SHROOM4: variants seen among roughly 807,000 people sequenced by gnomAD.
The protein encoded by SHROOM4 is protein Shroom4.
SHROOM4 carries 17 observed loss-of-function variants against 80.3 expected under a neutral mutation model. The observed-to-expected ratio is 0.21, with a 90% CI of 0.14 to 0.32. The LOEUF (loss-of-function observed/expected upper bound fraction) is 0.32, where lower values mean the gene tolerates loss of function less well. Ranked by LOEUF, SHROOM4 falls within the 10% of genes least tolerant of loss-of-function variation. SHROOM4 has a pLI of 1.00. For missense variants in SHROOM4, 993 were observed against 1,140.3 expected (o/e 0.87, Z 1.86); for synonymous variants, 400 against 437.5 (o/e 0.91, Z 1.07).
At chrX:50,734,984 A>C (rs1557266577) in intron 1 of SHROOM4, among the ~76,000 whole-genome samples, 1 of 110,115 alleles carries the variant, frequency 9.1e-6, no homozygotes, top group African/African-American at 3.3e-5. Flanking sequence ...TGTGAAACTG[A>C]GTCAATTAAA....
chrX:50,708,775 A>C (rs1207043202), intron 1 of SHROOM4, among the ~76,000 whole-genome samples: 1 of 111,763 alleles, frequency 8.9e-6, no homozygotes, highest in Non-Finnish European at 1.9e-5. Context: ...AAGGATGGTT[A>C]AACCTGGACC....
intron 5 of SHROOM4, among the ~76,000 whole-genome samples, chrX:50,615,847 G>GC (rs1930213578): frequency 9.0e-6 from 1 of 111,659 alleles, no homozygotes; most frequent in Non-Finnish European, 1.9e-5. Flanking sequence ...CAAGTCTGTT[G>GC]TTTTTACCTA....
chrX:50,674,832 C>T (rs1200669170), intron 2 of SHROOM4, among the ~76,000 whole-genome samples: 1 of 111,658 alleles, frequency 9.0e-6, no homozygotes, highest in African/African-American at 3.3e-5. Flanking sequence ...TAAAATGCAG[C>T]CCCTGTCTTC....
At chrX:50,681,725 A>G (rs782723915) in intron 2 of SHROOM4, among the ~76,000 whole-genome samples, 3 of 112,171 alleles carry the variant, frequency 2.7e-5, no homozygotes, top group African/African-American at 9.7e-5. Context: ...TACTTCTCCC[A>G]TTCCTGTTAG....
At chrX:50,705,181 T>C (rs1557263851) in intron 1 of SHROOM4, among the ~76,000 whole-genome samples, 1 of 111,570 alleles carries the variant, frequency 9.0e-6, no homozygotes, top group African/African-American at 3.3e-5. Flanking sequence ...GTTCACATCA[T>C]GACTGAGAAA....
intron 6 of SHROOM4, among the ~76,000 whole-genome samples, chrX:50,606,445 T>C (rs1929673921): frequency 9.0e-6 from 1 of 110,798 alleles, no homozygotes; most frequent in Non-Finnish European, 1.9e-5. Flanking sequence ...AAAGCACTTA[T>C]AAGCCACCTG....
At chrX:50,804,531 A>C (rs1409677679) in intron 1 of SHROOM4, among the ~76,000 whole-genome samples, 1 of 111,919 alleles carries the variant, frequency 8.9e-6, no homozygotes, top group Non-Finnish European at 1.9e-5. Flanking sequence ...TCACCTGTGT[A>C]AACACACTAT....
Position 50,673,989 on chromosome X carries a change from T to C in SHROOM4, c.269+21797A>G, listed in dbSNP as rs1310438145. On this transcript the variant is annotated intron_variant, in intron 2 of 8. Transcript: ENST00000376020. ...ACATGTGAAAACAAATAAAAAACAA[T>C]ACCATTTACAGTTGCTGCAAAAAAA... Among the ~76,000 whole-genome samples the C allele has an allele frequency of 3.7e-5, 4 of 108,010 alleles. No homozygotes were observed. In the Admixed American group the frequency reaches 4.1e-4, roughly 11 times the overall value. The allele number at this position is 108,010 out of a possible 115,157, so 93.8% of individuals were successfully genotyped here.
At chrX:50,644,171 G>A (rs1346418361) in intron 2 of SHROOM4, among the ~76,000 whole-genome samples, 5 of 112,201 alleles carry the variant, frequency 4.5e-5, no homozygotes, top group African/African-American at 1.6e-4. Context: ...GCGGACTTGA[G>A]CAGATCCAAA....
At chrX:50,678,900 T>G (rs1932890017) in intron 2 of SHROOM4, among the ~76,000 whole-genome samples, 1 of 111,132 alleles carries the variant, frequency 9.0e-6, no homozygotes, top group South Asian at 3.8e-4. Context: ...AAAATACAAT[T>G]CCTCATCTCC....
At chrX:50,762,356 T>A (rs60474400) in intron 1 of SHROOM4, among the ~76,000 whole-genome samples, 6,645 of 111,985 alleles carry the variant, frequency 0.059, 515 homozygotes, top group African/African-American at 0.21. Context: ...TCTCTCTATA[T>A]GTTACAGGCC....
At chrX:50,654,771 T>C (rs1343941907) in intron 2 of SHROOM4, among the ~76,000 whole-genome samples, 4 of 109,405 alleles carry the variant, frequency 3.7e-5, no homozygotes, top group Non-Finnish European at 5.7e-5. Flanking sequence ...CTATTATAAT[T>C]ATTATTTTTA....
chrX:50,635,791 AG>A (rs58026425), intron 3 of SHROOM4, 123 bp from the exon 4 acceptor site: 26,177 of 352,373 alleles, frequency 0.074, 207 homozygotes, highest in African/African-American at 0.11. Flanking sequence ...AAAAAAAAAA[AG>A]GGGGAAGAAA....
chrX:50,687,908 T>TA (rs782397729), intron 2 of SHROOM4, among the ~76,000 whole-genome samples: 166 of 101,707 alleles, frequency 1.6e-3, no homozygotes, highest in South Asian at 1.3e-3. Context: ...TAAGGATGTG[T>TA]AAAAAAAAAA....
At chrX:50,787,624 T>C (rs993979907) in intron 1 of SHROOM4, among the ~76,000 whole-genome samples, 2 of 111,036 alleles carry the variant, frequency 1.8e-5, no homozygotes, top group Non-Finnish European at 3.8e-5. Flanking sequence ...TATAATCAAA[T>C]TGTCCATAGG....
intron 1 of SHROOM4, among the ~76,000 whole-genome samples, chrX:50,700,583 T>C (rs1197284438): frequency 8.9e-6 from 1 of 111,954 alleles, no homozygotes; most frequent in African/African-American, 3.2e-5. Context: ...CTGATCATGC[T>C]AGGAGAAATT....
Position 50,635,046 on chromosome X carries a change from C to G in SHROOM4, c.1027G>C (p.Glu343Gln). ...QVTSEGHQNC[E>Q]FSQPPESSQQ... ...CTGGATTCAGGAGGCTGACTGAACTCACAGTTCTGATGGCCCTCACTTGTC... is the reference window on the plus strand; with the variant it reads ...CTGGATTCAGGAGGCTGACTGAACTGACAGTTCTGATGGCCCTCACTTGTC... Residue 343 changes from glutamate to glutamine, a missense_variant, in exon 4 of 9, where the codon GAG becomes CAG. Transcript: ENST00000376020. The G allele has an allele frequency of 8.2e-7, 1 of 1,212,133 alleles. No individual in the cohort carries two copies. The highest frequency in any genetic ancestry group is 1.1e-6 in the Non-Finnish European group (1 of 895,578).
chrX:50,641,892 G>A (rs922762866), intron 2 of SHROOM4, among the ~76,000 whole-genome samples: 1 of 112,620 alleles, frequency 8.9e-6, no homozygotes, highest in African/African-American at 3.2e-5. Context: ...GATTACAAGC[G>A]TGAGCCACTG....
intron 2 of SHROOM4, among the ~76,000 whole-genome samples, chrX:50,676,847 T>C (rs1557261353): frequency 9.0e-6 from 1 of 111,539 alleles, no homozygotes. Context: ...TGTATCCAAA[T>C]TAAACTGGTG....
Sources: gnomAD v4.1 joint callset for allele counts (sites outside exome capture counted in the v4.1 genomes callset) on GRCh38, gnomAD v4.1.1 for gene constraint, MANE v1.5 for transcripts, NCBI Gene and HGNC (gene_info 2026-07-23, HGNC 2026-07-21) for gene names.